Variants in TRDN observed in about 807,000 individuals in gnomAD.
TRDN encodes triadin, also known as triadin in skeletal muscle.
TRDN carries 161 observed loss-of-function variants against 149.7 expected under a neutral mutation model. The ratio of observed to expected loss-of-function variants is 1.08; its 90% CI spans 0.95 to 1.23. The LOEUF (loss-of-function observed/expected upper bound fraction) is 1.23, where lower values mean the gene tolerates loss of function less well. Among genes scored for constraint, TRDN ranks in the 50% most tolerant of loss-of-function variants. The pLI is 0.00. For missense variants in TRDN, 896 were observed against 823.5 expected, an observed-to-expected ratio of 1.09 and a Z score of -1.08; for synonymous variants, 294 against 250.5, an observed-to-expected ratio of 1.17 and a Z score of -1.64.
chr6:123,260,100 T>A (rs995311214), intron 34 of TRDN, among the ~76,000 whole-genome samples: 3 of 151,906 alleles, frequency 2.0e-5, no homozygotes, highest in African/African-American at 7.2e-5. Flanking sequence ...TGCTACCCAC[T>A]TCCTCCCCTT....
At chr6:123,491,837 G>A (rs553394298) in intron 9 of TRDN, among the ~76,000 whole-genome samples, 1 of 152,240 alleles carries the variant, frequency 6.6e-6, no homozygotes, top group South Asian at 2.1e-4. Context: ...CTACCTTGGA[G>A]CAGGATTTTT....
chr6:123,582,441 G>A (rs1783169263), intron 1 of TRDN, among the ~76,000 whole-genome samples: 1 of 151,012 alleles, frequency 6.6e-6, no homozygotes. Flanking sequence ...GAGAGTCAGT[G>A]AAGGGAGATA....
chr6:123,480,914 T>A (rs1777720492), intron 9 of TRDN, among the ~76,000 whole-genome samples: 1 of 152,080 alleles, frequency 6.6e-6, no homozygotes, highest in Non-Finnish European at 1.5e-5. Flanking sequence ...CTGGCATAGT[T>A]GATTGCTAAA....
intron 12 of TRDN, among the ~76,000 whole-genome samples, chr6:123,402,213 T>TA (rs752502457): frequency 2.6e-5 from 4 of 152,158 alleles, no homozygotes; most frequent in Non-Finnish European, 4.4e-5. Context: ...ACTGAAACCT[T>TA]ACTTAAGAGT....
intron 12 of TRDN, 119 bp downstream of exon 12, chr6:123,437,944 T>A (rs1258132109): frequency 3.4e-6 from 3 of 870,448 alleles, no homozygotes; most frequent in Non-Finnish European, 5.4e-6. Context: ...TGCTTTGACC[T>A]TCACGTCTTG....
intron 40 of TRDN, 107 bp from the exon 41 acceptor site, chr6:123,218,847 C>A: frequency 8.2e-7 from 1 of 1,224,422 alleles, no homozygotes; most frequent in Admixed American, 2.7e-5. Context: ...TGCCAGCAGC[C>A]TCCGTAGCTG....
chr6:123,230,540 A>C (rs889897377), intron 38 of TRDN, among the ~76,000 whole-genome samples: 2 of 151,564 alleles, frequency 1.3e-5, no homozygotes, highest in Non-Finnish European at 2.9e-5. Flanking sequence ...GTATAATAAT[A>C]ATAATAATAA....
chr6:123,258,395 T>C (rs1165193219), intron 35 of TRDN, among the ~76,000 whole-genome samples: 1 of 152,186 alleles, frequency 6.6e-6, no homozygotes. Flanking sequence ...GAAATAATCA[T>C]GTGTTTTTTG....
intron 8 of TRDN, chr6:123,502,805 T>C (rs4509144): frequency 0.86 from 847,409 of 984,836 alleles, 365,179 homozygotes; most frequent in East Asian, 0.88. Flanking sequence ...TTTTGCAATG[T>C]CTCCAAGAAA....
chr6:123,599,374 C>A (rs919902241), intron 1 of TRDN, among the ~76,000 whole-genome samples: 1 of 151,992 alleles, frequency 6.6e-6, no homozygotes, highest in Non-Finnish European at 1.5e-5. Flanking sequence ...AAGTACACAA[C>A]TGATGCTAAA....
intron 38 of TRDN, among the ~76,000 whole-genome samples, chr6:123,230,819 T>A (rs1343053715): frequency 1.3e-5 from 2 of 152,020 alleles, no homozygotes. Flanking sequence ...AAAGTGAATA[T>A]TACCTTGAAG....
chr6:123,501,697 A>C, intron 8 of TRDN: 1 of 326,096 alleles, frequency 3.1e-6, no homozygotes, highest in Non-Finnish European at 4.4e-6. Flanking sequence ...GACTTGCTTT[A>C]GCAATTGCAA....
chr6:123,611,764 T>A (rs1784821933), intron 1 of TRDN, among the ~76,000 whole-genome samples: 1 of 152,110 alleles, frequency 6.6e-6, no homozygotes, highest in South Asian at 2.1e-4. Flanking sequence ...AGAGCTGATA[T>A]TTAGTCAGTA....
intron 12 of TRDN, among the ~76,000 whole-genome samples, chr6:123,394,159 C>CA (rs1230598610): frequency 6.6e-6 from 1 of 152,084 alleles, no homozygotes; most frequent in Non-Finnish European, 1.5e-5. Context: ...GCAGTGGCAC[C>CA]AATCACTATT....
chr6:123,301,754 T>TATATATATATATAC (rs1554221684), intron 24 of TRDN, among the ~76,000 whole-genome samples: 56 of 66,242 alleles, frequency 8.5e-4, no homozygotes, highest in African/African-American at 2.9e-3. Context: ...TATATATACA[T>TATATATATATATAC]ATATATATAT....
chr6:123,573,333 TAATA>T (rs748921297), intron 1 of TRDN, among the ~76,000 whole-genome samples: 11 of 152,068 alleles, frequency 7.2e-5, no homozygotes, highest in Non-Finnish European at 1.5e-4. Context: ...GGTAGTCATT[TAATA>T]AATGACAATA....
chr6:123,478,078 G>A (rs571185266), intron 9 of TRDN, among the ~76,000 whole-genome samples: 1 of 125,704 alleles, frequency 8.0e-6, no homozygotes, highest in East Asian at 3.8e-4. Flanking sequence ...AAAGAAAAAT[G>A]TTCACCAAAA....
intron 24 of TRDN, among the ~76,000 whole-genome samples, chr6:123,305,730 T>G (rs189372654): frequency 2.3e-3 from 352 of 152,292 alleles, no homozygotes; most frequent in Non-Finnish European, 2.7e-3. Flanking sequence ...ATTGACTGGA[T>G]AATGGCATAA....
At chr6:123,386,943 G>C (rs554843315) in intron 14 of TRDN, among the ~76,000 whole-genome samples, 1 of 152,226 alleles carries the variant, frequency 6.6e-6, no homozygotes, top group East Asian at 1.9e-4. Context: ...TTAGGCCTTG[G>C]TCATGACCTT....
Sources: allele counts gnomAD v4.1 joint callset (sites outside exome capture counted in the v4.1 genomes callset), GRCh38; gene constraint gnomAD v4.1.1; transcripts MANE v1.5; gene names NCBI Gene and HGNC (gene_info 2026-07-23, HGNC 2026-07-21).